The following KDM5A variants were observed in gnomAD, a reference collection of about 807,000 sequenced individuals.
KDM5A encodes lysine-specific demethylase 5A.
KDM5A carries 42 observed loss-of-function variants against 193.5 expected under a neutral mutation model. The ratio of observed to expected loss-of-function variants is 0.22; its 90% confidence interval spans 0.17 to 0.28. KDM5A has a LOEUF of 0.28. Among genes scored for constraint, KDM5A ranks in the 10% least tolerant of loss-of-function variants. KDM5A has a pLI of 1.00. For missense variants in KDM5A, 1,692 were observed against 2,055.1 expected (o/e 0.82, Z 3.42); for synonymous variants, 796 against 718.1 (o/e 1.11, Z -1.73).
At chr12:374,580 G>A (rs574775993) in intron 3 of KDM5A, among the ~76,000 whole-genome samples, 3 of 152,220 alleles carry the variant, frequency 2.0e-5, no homozygotes, top group Admixed American at 2.0e-4. Context: ...TACATTTAAG[G>A]TTAATACTGT....
chr12:381,739 AT>A (rs1591942879), intron 3 of KDM5A, among the ~76,000 whole-genome samples: 1 of 152,108 alleles, frequency 6.6e-6, no homozygotes, highest in Admixed American at 6.6e-5. Context: ...TACTTCCCAA[AT>A]TTTTTAGTAA....
At position 334,301 on chromosome 12, in the gene KDM5A, A is replaced by C; in HGVS notation, c.1430T>G (p.Phe477Cys). Residue 477 changes from phenylalanine to cysteine, a missense_variant, in exon 11 of 28, where the codon TTC becomes TGC. Phe to Cys is a radical substitution (Grantham distance 205, BLOSUM62 -2). Coordinates refer to ENST00000399788, the MANE Select transcript of KDM5A (RefSeq NM_001042603.3). ...CTCAATGTGCCAGCAAAAAGAAGAG[A>C]AGCACATTCCCACATAGAGCCACGG... ...KVPWLYVGMC[F>C]SSFCWHIEDH... The C allele has an allele frequency of 6.2e-7, 1 of 1,614,152 alleles. No homozygotes were observed. Among genetic ancestry groups the C allele is most frequent in the Non-Finnish European group, 8.5e-7 (1 of 1,179,996 alleles).
chr12:306,906 T>C lies in KDM5A; in HGVS notation c.4074+40A>G, dbSNP rs763527818. 3.2e-6 allele frequency: 5 copies of C among 1,585,532 alleles called. No homozygotes were observed. In the African/African-American group the frequency reaches 5.4e-5, roughly 17 times the overall value. On this transcript the variant is annotated intron_variant, in intron 24 of 27. Transcript: ENST00000399788. ...TTTTTTTTTTTTTAAACAAACCCAA[T>C]GATCAGGTATGTACCCACACAGCTT...
At chr12:305,969 G>GTTT (rs3038312) in intron 24 of KDM5A, among the ~76,000 whole-genome samples, 6,238 of 104,052 alleles carry the variant, frequency 0.06, 500 homozygotes, top group African/African-American at 0.14. Flanking sequence ...CAATGGAAGT[G>GTTT]TTTTTTTTTT....
At chr12:347,681 A>G (rs536584187) in intron 10 of KDM5A, among the ~76,000 whole-genome samples, 13 of 152,322 alleles carry the variant, frequency 8.5e-5, no homozygotes, top group Admixed American at 7.8e-4. Context: ...CCTATTTAAT[A>G]AACGGTCCTG....
intron 20 of KDM5A, among the ~76,000 whole-genome samples, chr12:312,506 T>A (rs1943601015): frequency 6.6e-6 from 1 of 152,212 alleles, no homozygotes; most frequent in African/African-American, 2.4e-5. Context: ...GTTAAATAAC[T>A]AATTCCATCA....
intron 22 of KDM5A, 143 bp from the exon 23 acceptor site, chr12:308,148 G>T: frequency 1.2e-6 from 1 of 804,468 alleles, no homozygotes; most frequent in Non-Finnish European, 2.0e-6. Flanking sequence ...CGGTTTCCAT[G>T]CAAACATTCC....
intron 10 of KDM5A, among the ~76,000 whole-genome samples, chr12:342,154 C>A (rs1235318544): frequency 6.6e-6 from 1 of 152,138 alleles, no homozygotes; most frequent in Non-Finnish European, 1.5e-5. Context: ...ACCAAGCAAA[C>A]AGTAACCATA....
intron 4 of KDM5A, among the ~76,000 whole-genome samples, chr12:363,611 T>C (rs1944318085): frequency 6.6e-6 from 1 of 152,112 alleles, no homozygotes; most frequent in South Asian, 2.1e-4. Flanking sequence ...CACCTCATAC[T>C]ATACACACAA....
rs1417710747 is a variant in KDM5A at position 281,898 on chromosome 12, T to G, written c.*3558A>C. The G allele has an allele frequency of 1.1e-5, 3 of 281,778 alleles. No individual in the cohort carries two copies. Among genetic ancestry groups the G allele is most frequent in the Non-Finnish European group, 7.0e-6 (1 of 143,638 alleles). 17.5% of individuals were successfully genotyped at this position (281,778 alleles called of 1,614,324 possible). The stretch of plus-strand genomic sequence containing the variant: ...ATCCAGAACCCAAAAATTAAGAAAT[T>G]CAAAAAGACATTTTGTGGGCACCTG... On this transcript the variant is annotated 3_prime_UTR_variant, in exon 28 of 28. Transcript: ENST00000399788.
intron 3 of KDM5A, among the ~76,000 whole-genome samples, chr12:379,073 A>G (rs528138277): frequency 2.0e-3 from 300 of 152,258 alleles, no homozygotes; most frequent in African/African-American, 7.0e-3. Context: ...TGATTTAATC[A>G]AAACAGGAAA....
At chr12:388,825 G>C (rs539137636) in intron 1 of KDM5A, 102 bp downstream of exon 1, 82 of 1,362,392 alleles carry the variant, frequency 6.0e-5, no homozygotes, top group Non-Finnish European at 7.7e-5. Flanking sequence ...TCAAAAGAGA[G>C]TACATATGAA....
At chr12:360,199 G>A (rs1309598851) in intron 5 of KDM5A, among the ~76,000 whole-genome samples, 6 of 151,020 alleles carry the variant, frequency 4.0e-5, no homozygotes, top group African/African-American at 1.2e-4. Context: ...GTTTGAACCC[G>A]GGAGGCAGAG....
chr12:377,311 AGT>A (rs1159862239), intron 3 of KDM5A, among the ~76,000 whole-genome samples: 5 of 152,210 alleles, frequency 3.3e-5, no homozygotes, highest in Non-Finnish European at 7.3e-5. Context: ...AGAAAAAATA[AGT>A]ACACAAAATT....
At position 307,927 on chromosome 12, in the gene KDM5A, T is replaced by A. The variant is rs1943532547; in HGVS notation, c.3457A>T (p.Thr1153Ser). Residue 1153 changes from threonine (T) to serine (S), a missense_variant, in exon 23 of 28, where the codon ACA (threonine) becomes TCA (serine). This residue lies in a region of KDM5A where 965 missense variants were observed against 1,061.0 expected (regional missense o/e 0.91). Coordinates refer to ENST00000399788, the MANE Select transcript of KDM5A (RefSeq NM_001042603.3). The surrounding 1 kb of genome is among the most constrained non-coding windows in gnomAD (Gnocchi z 4.3). ...SLRAANLAKM[T>S]MVDRIEEVKF... Reference sequence around the variant, plus strand: ...ACTTCTTCTATGCGGTCCACCATTGTCATCTTGGCTAGGTTGGCTGCTCTG... The same window carrying A: ...ACTTCTTCTATGCGGTCCACCATTGACATCTTGGCTAGGTTGGCTGCTCTG... The A allele has an allele frequency of 6.2e-7, 1 of 1,614,086 alleles. No individual in the cohort carries two copies. Among genetic ancestry groups the A allele is most frequent in the Admixed American group, 1.7e-5 (1 of 59,994 alleles).
Position 334,233 on chromosome 12 carries a change from G to T in KDM5A, c.1490+8C>A, listed in dbSNP as rs767104751. 1.2e-6 allele frequency: 2 copies of T among 1,612,294 alleles called. No homozygotes were observed. The highest frequency in any genetic ancestry group is 1.7e-6 in the Non-Finnish European group (2 of 1,178,350). Reference sequence around the variant, plus strand: ...GTTCATGCATGCTGTATTTTAGACTGTACATACCAGTGCAAGTAGTTGATG... The same window carrying T: ...GTTCATGCATGCTGTATTTTAGACTTTACATACCAGTGCAAGTAGTTGATG... On this transcript the variant is annotated splice_region_variant and intron_variant, in intron 11 of 27. Coordinates refer to ENST00000399788, the MANE Select transcript of KDM5A (RefSeq NM_001042603.3).
chr12:334,253 T>C lies in KDM5A; in HGVS notation c.1478A>G (p.Asn493Ser), dbSNP rs780378301. Reference sequence around the variant, plus strand: ...AGACTGTACATACCAGTGCAAGTAGTTGATGGAATAACTCCAGTGATCCTC... The same window carrying C: ...AGACTGTACATACCAGTGCAAGTAGCTGATGGAATAACTCCAGTGATCCTC... Reference protein sequence around the residue: ...HIEDHWSYSINYLHWGEPKTW... With the variant: ...HIEDHWSYSISYLHWGEPKTW... Residue 493 changes from asparagine to serine, a missense_variant, in exon 11 of 28, where the codon AAC becomes AGC. Asn to Ser is a conservative substitution (Grantham distance 46, BLOSUM62 1). Around this residue, in one of 11 missense-constraint regions of KDM5A, gnomAD observed 172 missense variants for 260.3 expected, o/e 0.66. Coordinates refer to ENST00000399788, the MANE Select transcript of KDM5A (RefSeq NM_001042603.3). 1.9e-6 allele frequency: 3 copies of C among 1,614,138 alleles called. No individual in the cohort carries two copies. The highest frequency in any genetic ancestry group is 1.1e-5 in the South Asian group (1 of 91,080).
intron 3 of KDM5A, among the ~76,000 whole-genome samples, chr12:370,726 A>G (rs1944417285): frequency 6.6e-6 from 1 of 152,120 alleles, no homozygotes; most frequent in Admixed American, 6.5e-5. Context: ...TTAACTAATC[A>G]CTTACATTAG....
At chr12:326,115 T>C (rs1167289538) in intron 14 of KDM5A, among the ~76,000 whole-genome samples, 1 of 152,228 alleles carries the variant, frequency 6.6e-6, no homozygotes, top group Non-Finnish European at 1.5e-5. Context: ...AAAAGTGGTT[T>C]GTGAAGGGTG....
Sources: gnomAD v4.1 joint callset for allele counts (sites outside exome capture counted in the v4.1 genomes callset) on GRCh38, gnomAD v4.1.1 for gene constraint, gnomAD v4.1.1 regional missense constraint, Gnocchi (gnomAD v3.1) non-coding constraint, MANE v1.5 for transcripts, NCBI Gene and HGNC (gene_info 2026-07-23, HGNC 2026-07-21) for gene names.